Variants in CLDN7 observed in about 807,000 individuals in gnomAD.
The protein encoded by CLDN7 is claudin 7.
Under a neutral mutation model 20.3 loss-of-function variants are expected in CLDN7, and 15 were observed. That is an observed-to-expected ratio of 0.74 (90% CI 0.49 to 1.14). The LOEUF (loss-of-function observed/expected upper bound fraction) is 1.14, where lower values mean the gene tolerates loss of function less well. Among genes scored for constraint, CLDN7 ranks in the 50% most tolerant of loss-of-function variants. The pLI, the probability that CLDN7 is intolerant of heterozygous loss-of-function variation, is 0.00. For synonymous variants in CLDN7, 117 were observed against 106.1 expected (o/e 1.10, Z -0.63); for missense variants, 261 against 274.2 (o/e 0.95, Z 0.34).
rs1323190163 is a variant in CLDN7 at position 7,260,856 on chromosome 17, A to G, written c.353T>C (p.Ile118Thr). The change falls in exon 2 of 4, where the codon ATA becomes ACA. Residue 118 changes from isoleucine (I) to threonine (T), a missense_variant. Ile to Thr is a moderately conservative substitution (Grantham distance 89). This residue lies in a region of CLDN7 where 215 missense variants were observed against 199.6 expected (regional missense o/e 1.08). Transcript: ENST00000360325. ...GAAAATTATGCCTCCACCCATGGCT[A>G]TACGGGCCTTCTTCACTTTGTCGTC... ...GGDDKVKKAR[I>T]AMGGGIIFIV... 4 of 1,614,130 alleles carry G rather than the reference A, an allele frequency of 2.5e-6. No homozygotes were observed. In the Admixed American group the frequency reaches 6.7e-5, roughly 27 times the overall value.
At position 7,259,966 on chromosome 17, in the gene CLDN7, A is replaced by G; in HGVS notation, c.*408T>C. On this transcript the variant is annotated 3_prime_UTR_variant, in exon 4 of 4. Transcript: ENST00000360325. The stretch of plus-strand genomic sequence containing the variant: ...GTACTTTGGTAGCTATTTAAATAAG[A>G]GGGGGGTGGGAATGAATGTCGAGAT... 1 of 371,318 alleles carries G rather than the reference A, an allele frequency of 2.7e-6. No individual in the cohort carries two copies. 23.0% of individuals were successfully genotyped at this position (371,318 alleles called of 1,614,324 possible). A position where few individuals can be genotyped will look rare whatever the true frequency, so the allele number is the denominator to read the frequency against.
chr17:7,260,240 A>G lies in CLDN7; in HGVS notation c.*134T>C, dbSNP rs1435361730. On this transcript the variant is annotated 3_prime_UTR_variant, in exon 4 of 4. Coordinates refer to ENST00000360325, the MANE Select transcript of CLDN7 (RefSeq NM_001307.6). ...CCCACCCCCAACCCAAGAGGACTAT[A>G]CATGGAGTGCAGGGACAGAGTGACC... The G allele has an allele frequency of 2.4e-6, 2 of 845,878 alleles. No individual in the cohort carries two copies. The highest frequency in any genetic ancestry group is 3.6e-6 in the Non-Finnish European group (2 of 563,112). 52.4% of individuals were successfully genotyped at this position (845,878 alleles called of 1,614,324 possible).
In CLDN7 at chr17:7,261,929, TGTC is replaced by T; in HGVS notation, c.112_114del (p.Asp38del). Reference sequence around the variant, plus strand: ...TACATGGCCTGGGCCGTGATGATGTTGTCACCCGCATAGGAGCTCATCTGCCAC... The same window carrying T: ...TACATGGCCTGGGCCGTGATGATGTTACCCGCATAGGAGCTCATCTGCCAC... On this transcript the variant is annotated inframe_deletion, in exon 1 of 4. Coordinates refer to ENST00000360325, the MANE Select transcript of CLDN7 (RefSeq NM_001307.6). 6.2e-7 allele frequency: 1 copy of T among 1,614,176 alleles called. No homozygotes were observed. Among genetic ancestry groups the T allele is most frequent in the Non-Finnish European group, 8.5e-7 (1 of 1,180,040 alleles).
rs761667333 is a variant in CLDN7 at position 7,260,735 on chromosome 17, AGAAT to A, written c.389-13_389-10del. On this transcript the variant is annotated splice_polypyrimidine_tract_variant and intron_variant, in intron 2 of 3. Coordinates refer to ENST00000360325, the MANE Select transcript of CLDN7 (RefSeq NM_001307.6). ...TACCAAGGCGGCAAGACCTGGAGAC[AGAAT>A]GAGGGTTTCAGTATAGTGAGGCCCC... 42 of 1,614,102 alleles carry A rather than the reference AGAAT, an allele frequency of 2.6e-5. No individual in the cohort carries two copies. The highest frequency in any genetic ancestry group is 1.6e-4 in the Middle Eastern group (1 of 6,084).
chr17:7,261,257 G>A, intron 1 of CLDN7: 2 of 515,774 alleles, frequency 3.9e-6, no homozygotes, highest in Non-Finnish European at 6.9e-6. Flanking sequence ...TGGATAGGGG[G>A]AAGGGTGAAA....
In CLDN7 at chr17:7,260,511, T is replaced by C. The variant is rs1291690177; in HGVS notation, c.499A>G (p.Ile167Val). The part of the protein sequence containing the change: ...IKYEFGPAIF[I>V]GWAGSALVIL... Reference sequence around the variant, plus strand: ...ACTAGGGCAGACCCTGCCCAGCCAATAAAGATGGCAGGGCCAAACTCATAC... The same window carrying C: ...ACTAGGGCAGACCCTGCCCAGCCAACAAAGATGGCAGGGCCAAACTCATAC... Residue 167 changes from isoleucine to valine, a missense_variant, in exon 4 of 4, where the codon ATT becomes GTT. This residue lies in a region of CLDN7 where 215 missense variants were observed against 199.6 expected (regional missense o/e 1.08). Coordinates refer to ENST00000360325, the MANE Select transcript of CLDN7 (RefSeq NM_001307.6). 1 of 1,612,712 alleles carries C rather than the reference T, an allele frequency of 6.2e-7. No individual in the cohort carries two copies. Among genetic ancestry groups the C allele is most frequent in the South Asian group, 1.1e-5 (1 of 91,016 alleles).
At chr17:7,262,495 C>G, upstream of CLDN7, 1 of 831,400 alleles carries the variant, frequency 1.2e-6, no homozygotes, top group Non-Finnish European at 1.5e-6. The surrounding 1 kb of genome is among the most constrained non-coding windows in gnomAD (Gnocchi z 6.6). Flanking sequence ...GTGGGGCGCA[C>G]CTGAGTATAT....
Position 7,261,848 on chromosome 17 carries a change from T to A in CLDN7, c.196A>T (p.Met66Leu), listed in dbSNP as rs2072231651. The change falls in exon 1 of 4, where the codon ATG (methionine) becomes TTG (leucine). Residue 66 changes from methionine (M) to leucine (L), a missense_variant. Met to Leu is a conservative substitution (Grantham distance 15). This residue lies in a region of CLDN7 where 215 missense variants were observed against 199.6 expected (regional missense o/e 1.08). Transcript: ENST00000360325. ...TQSTGMMSCK[M>L]YDSVLALSAA... is the part of the protein sequence containing the mutation. ...GACAGGGCGAGCACCGAGTCGTACATTTTGCAGCTCATCATCCCCGTGCTC... is the reference window on the plus strand; with the variant it reads ...GACAGGGCGAGCACCGAGTCGTACAATTTGCAGCTCATCATCCCCGTGCTC... 2.5e-6 allele frequency: 4 copies of A among 1,613,892 alleles called. No individual in the cohort carries two copies. The highest frequency in any genetic ancestry group is 3.4e-6 in the Non-Finnish European group (4 of 1,180,030).
intron 1 of CLDN7, 118 bp from the exon 2 acceptor site, chr17:7,261,103 G>C (rs2072206530): frequency 7.2e-7 from 1 of 1,382,622 alleles, no homozygotes; most frequent in African/African-American, 1.5e-5. Context: ...GTGTTCTGCC[G>C]AGGGCCAGGG....
Position 7,262,216 on chromosome 17 carries a change from C to A in CLDN7, c.-173G>T, listed in dbSNP as rs1263922341. ...GCAAATCTTGTCACCAAACTACACA[C>A]AAATCGACCCCTCCAGTGAAGCGAT... On this transcript the variant is annotated 5_prime_UTR_variant, in exon 1 of 4. Coordinates refer to ENST00000360325, the MANE Select transcript of CLDN7 (RefSeq NM_001307.6). The surrounding 1 kb of genome is among the most constrained non-coding windows in gnomAD (Gnocchi z 6.6). 14 of 1,436,012 alleles carry A rather than the reference C, an allele frequency of 9.7e-6. No homozygotes were observed. The East Asian group carries it at 3.5e-4, about 36-fold the overall frequency. 89.0% of individuals were successfully genotyped at this position (1,436,012 alleles called of 1,614,324 possible).
At chr17:7,261,798 C>T (rs777250207) in intron 1 of CLDN7, 23 bp downstream of exon 1, 4 of 1,608,558 alleles carry the variant, frequency 2.5e-6, no homozygotes, top group South Asian at 2.2e-5. Flanking sequence ...GGCGCGTCCG[C>T]CCCGTCGGTC....
chr17:7,260,276 TG>T lies in CLDN7; in HGVS notation c.*97del. 7.4e-7 allele frequency: 1 copy of T among 1,350,328 alleles called. No homozygotes were observed. 83.6% of individuals were successfully genotyped at this position (1,350,328 alleles called of 1,614,324 possible). A position where few individuals can be genotyped will look rare whatever the true frequency, so the allele number is the denominator to read the frequency against. On this transcript the variant is annotated 3_prime_UTR_variant, in exon 4 of 4. Coordinates refer to ENST00000360325, the MANE Select transcript of CLDN7 (RefSeq NM_001307.6). ...AGGGACAGAGTGACCAGGAGGCCTT[TG>T]TCCGGCACCCTGCCCACAGGCTGAG...
upstream of CLDN7, chr17:7,262,525 G>T: frequency 3.9e-6 from 2 of 515,520 alleles, no homozygotes; most frequent in Non-Finnish European, 5.0e-6. This position sits in a 1 kb window ranked among gnomAD's most constrained non-coding sequence, Gnocchi z 6.6. Flanking sequence ...CGGGGGCGCG[G>T]CCCGCGCGCC....
chr17:7,260,691 G>A lies in CLDN7; in HGVS notation c.424C>T (p.His142Tyr). 3 of 1,614,178 alleles carry A rather than the reference G, an allele frequency of 1.9e-6. No homozygotes were observed. Among genetic ancestry groups the A allele is most frequent in the Non-Finnish European group, 2.5e-6 (3 of 1,180,028 alleles). Residue 142 changes from histidine to tyrosine, a missense_variant, in exon 3 of 4, where the codon CAT becomes TAT. Physicochemically the swap from His to Tyr is moderately conservative, Grantham distance 83. Transcript: ENST00000360325. ...TTATAAAAGTCTGTGACAATCTGAT[G>A]GCCATACCAGGAGCAAGCTACCAAG... ...AALVACSWYG[H>Y]QIVTDFYNPL...
intron 1 of CLDN7, chr17:7,261,189 C>T: frequency 1.5e-6 from 1 of 662,576 alleles, no homozygotes; most frequent in Non-Finnish European, 2.5e-6. Flanking sequence ...CCTGCTCCCG[C>T]CCCGCCCTCT....
At chr17:7,262,989 G>C (rs2072248206), upstream of CLDN7, 1 of 161,454 alleles carries the variant, frequency 6.2e-6, no homozygotes, top group South Asian at 2.1e-4. The surrounding 1 kb of genome is among the most constrained non-coding windows in gnomAD (Gnocchi z 6.6). Context: ...GCCCTGGCTC[G>C]ATCCCTGAGA....
rs942502314 is a variant in CLDN7 at position 7,260,342 on chromosome 17, A to G, written c.*32T>C. 3 of 1,578,412 alleles carry G rather than the reference A, an allele frequency of 1.9e-6. No individual in the cohort carries two copies. Among genetic ancestry groups the G allele is most frequent in the Non-Finnish European group, 2.6e-6 (3 of 1,161,108 alleles). On this transcript the variant is annotated 3_prime_UTR_variant, in exon 4 of 4. Transcript: ENST00000360325. ...CTTTCAGGCATCTAGACACTCCCAT[A>G]GCCTGTCAGGCTGGGGCAAGGAGAT... is the stretch of plus-strand genomic sequence containing the variant.
chr17:7,261,014 T>C (rs1397635975), intron 1 of CLDN7, 29 bp from the exon 2 acceptor site: 1 of 1,589,788 alleles, frequency 6.3e-7, no homozygotes, highest in African/African-American at 1.3e-5. Flanking sequence ...GGCGCCGTCA[T>C]TGCTGGAAAT....
intron 1 of CLDN7, 109 bp downstream of exon 1, chr17:7,261,712 G>T: frequency 1.2e-6 from 1 of 846,612 alleles, no homozygotes. Flanking sequence ...TCGCCCTGCA[G>T]CTCCCCGGCA....
Sources: allele counts gnomAD v4.1 joint callset, GRCh38; gene constraint gnomAD v4.1.1; regional missense constraint gnomAD v4.1.1; non-coding constraint Gnocchi (gnomAD v3.1); transcripts MANE v1.5; gene names NCBI Gene and HGNC (gene_info 2026-07-23, HGNC 2026-07-21).